The following DAB1 variants were observed in gnomAD, a reference collection of about 807,000 sequenced individuals.
DAB1 encodes the protein disabled homolog 1.
Under a neutral mutation model 64.6 loss-of-function variants are expected in DAB1, and 15 were observed. The ratio of observed to expected loss-of-function variants is 0.23; its 90% confidence interval spans 0.16 to 0.36. DAB1 has a LOEUF of 0.36. Ranked by LOEUF, DAB1 falls within the 10% of genes least tolerant of loss-of-function variation. The pLI, the probability that DAB1 is intolerant of heterozygous loss-of-function variation, is 1.00. For synonymous variants in DAB1, 235 were observed against 251.9 expected, an observed-to-expected ratio of 0.93 and a Z score of 0.64; for missense variants, 596 against 706.7, an observed-to-expected ratio of 0.84 and a Z score of 1.78.
intron 6 of DAB1, among the ~76,000 whole-genome samples, chr1:57,727,376 C>T (rs1026778410): frequency 1.3e-5 from 2 of 152,188 alleles, no homozygotes; most frequent in Admixed American, 6.5e-5. Flanking sequence ...GAATAGCAGT[C>T]GGTGGCGAGT....
chr1:57,447,371 T>C (rs1389844453), intron 7 of DAB1, among the ~76,000 whole-genome samples: 5 of 152,198 alleles, frequency 3.3e-5, no homozygotes, highest in Non-Finnish European at 5.9e-5. Flanking sequence ...CCTCTTAAGA[T>C]TCTTAAAGAA....
chr1:58,248,633 C>G (rs1298538537), intron 4 of DAB1, among the ~76,000 whole-genome samples: 2 of 152,118 alleles, frequency 1.3e-5, no homozygotes, highest in Non-Finnish European at 2.9e-5. Flanking sequence ...AAATGCACAT[C>G]GTGCAGGTAT....
chr1:58,337,322 A>G (rs899054187), intron 4 of DAB1, among the ~76,000 whole-genome samples: 6 of 151,954 alleles, frequency 3.9e-5, no homozygotes, highest in Non-Finnish European at 8.8e-5. Flanking sequence ...AAATAAAATA[A>G]CATAAATTGG....
At chr1:57,886,555 A>G (rs1159259621), upstream of DAB1, among the ~76,000 whole-genome samples, 3 of 152,024 alleles carry the variant, frequency 2.0e-5, no homozygotes, top group African/African-American at 7.3e-5. Context: ...TATACTTCAT[A>G]TCTCATTTAA....
intron 1 of DAB1, among the ~76,000 whole-genome samples, chr1:57,869,550 G>A (rs1654447024): frequency 6.6e-6 from 1 of 152,070 alleles, no homozygotes; most frequent in Admixed American, 6.6e-5. Context: ...AAAAATGAAG[G>A]CCAGAGGATA....
At chr1:57,780,141 T>G (rs1054921460) in intron 6 of DAB1, among the ~76,000 whole-genome samples, 5 of 152,138 alleles carry the variant, frequency 3.3e-5, no homozygotes, top group African/African-American at 4.8e-5. Flanking sequence ...CTATCAGGAT[T>G]CTGAACACTT....
chr1:57,637,441 A>G (rs1391308071), intron 7 of DAB1, among the ~76,000 whole-genome samples: 1 of 152,192 alleles, frequency 6.6e-6, no homozygotes, highest in African/African-American at 2.4e-5. Context: ...GCACCAGCTG[A>G]TCTGGGTTTG....
intron 7 of DAB1, among the ~76,000 whole-genome samples, chr1:57,563,421 G>C (rs1304435405): frequency 6.6e-6 from 1 of 152,118 alleles, no homozygotes; most frequent in African/African-American, 2.4e-5. Context: ...TTATCTCACT[G>C]GGGCTTGTCA....
intron 2 of DAB1, among the ~76,000 whole-genome samples, chr1:57,209,924 T>C (rs1298897097): frequency 1.3e-5 from 2 of 152,200 alleles, no homozygotes; most frequent in Non-Finnish European, 2.9e-5. Context: ...TTTATATGAT[T>C]ACAGAAAAGC....
At chr1:57,993,884 G>A (rs1891974) in intron 5 of DAB1, among the ~76,000 whole-genome samples, 148,454 of 152,306 alleles carry the variant, frequency 0.97, 72,447 homozygotes, top group East Asian at 1. Context: ...TCATTCATTA[G>A]TATTTTACAA....
intron 1 of DAB1, among the ~76,000 whole-genome samples, chr1:57,356,340 A>G (rs557068654): frequency 1.3e-5 from 2 of 152,264 alleles, no homozygotes; most frequent in East Asian, 3.9e-4. Flanking sequence ...GCATGCAGGT[A>G]AAATACCTAC....
intron 6 of DAB1, among the ~76,000 whole-genome samples, chr1:57,727,574 C>T (rs890467377): frequency 1.3e-5 from 2 of 152,220 alleles, no homozygotes; most frequent in Admixed American, 1.3e-4. Context: ...TAAATGGCTT[C>T]TGGATCCTGG....
At position 57,848,244 on chromosome 1, in the gene DAB1, G is replaced by A. The variant is rs1235041399; in HGVS notation, n.88-21789C>T. Among the ~76,000 whole-genome samples, 3 of 152,166 alleles carry A rather than the reference G, an allele frequency of 2.0e-5. No individual in the cohort carries two copies. The East Asian group carries it at 5.8e-4, about 29-fold the overall frequency. ...ACAAAAGGTGTAGTCTATAAGTTCC[G>A]AACACAATGTAGTGAATCTAGACAC... On this transcript the variant is annotated intron_variant and non_coding_transcript_variant, in intron 1 of 1. Coordinates refer to the DAB1 transcript ENST00000477280.
intron 1 of DAB1, among the ~76,000 whole-genome samples, chr1:57,407,403 T>A (rs1452074539): frequency 6.6e-6 from 1 of 152,226 alleles, no homozygotes; most frequent in Non-Finnish European, 1.5e-5. Flanking sequence ...ATCATTCAAC[T>A]ACTGAATTCT....
intron 4 of DAB1, among the ~76,000 whole-genome samples, chr1:58,268,634 G>C (rs1365591376): frequency 1.3e-5 from 2 of 152,076 alleles, no homozygotes; most frequent in Non-Finnish European, 2.9e-5. Context: ...CAAATAAATG[G>C]AAAGAATTTC....
chr1:58,362,386 G>C (rs187644374), intron 3 of DAB1, among the ~76,000 whole-genome samples: 187 of 152,282 alleles, frequency 1.2e-3, no homozygotes, highest in African/African-American at 4.1e-3. Context: ...TCCATCCTTT[G>C]AGGGAAAAAT....
chr1:57,982,281 C>A (rs1366596352), intron 5 of DAB1, among the ~76,000 whole-genome samples: 1 of 152,196 alleles, frequency 6.6e-6, no homozygotes, highest in Non-Finnish European at 1.5e-5. Context: ...GAACAGAACC[C>A]ATTTTAGGTA....
At chr1:57,155,770 G>C (rs1471473620) in intron 2 of DAB1, among the ~76,000 whole-genome samples, 1 of 123,174 alleles carries the variant, frequency 8.1e-6, no homozygotes, top group African/African-American at 3.2e-5. Flanking sequence ...TTTTTTTTTG[G>C]TTAATTCCTA....
At chr1:58,207,847 G>A (rs1452771228) in intron 4 of DAB1, among the ~76,000 whole-genome samples, 1 of 152,150 alleles carries the variant, frequency 6.6e-6, no homozygotes, top group Non-Finnish European at 1.5e-5. Context: ...AAGTTAGTAA[G>A]TAGTTGTATT....
Sources: allele counts gnomAD v4.1 joint callset (sites outside exome capture counted in the v4.1 genomes callset), GRCh38; gene constraint gnomAD v4.1.1; transcripts MANE v1.5; gene names NCBI Gene and HGNC (gene_info 2026-07-23, HGNC 2026-07-21).